CAMTA1: variants seen among roughly 807,000 people sequenced by gnomAD.
CAMTA1 encodes the protein calmodulin binding transcription activator 1, also known as calmodulin-binding transcription activator 1.
A neutral mutation model predicts 170.9 loss-of-function variants in CAMTA1; 27 were observed. The observed-to-expected ratio is 0.16, with a 90% CI of 0.12 to 0.22. CAMTA1 has a LOEUF of 0.22. CAMTA1 is among the 10% of genes least tolerant of loss of function. The pLI, the probability that CAMTA1 is intolerant of heterozygous loss-of-function variation, is 1.00. For synonymous variants in CAMTA1, 833 were observed against 891.5 expected, an observed-to-expected ratio of 0.93 and a Z score of 1.17; for missense variants, 1,619 against 2,217.2, an observed-to-expected ratio of 0.73 and a Z score of 5.42.
intron 5 of CAMTA1, among the ~76,000 whole-genome samples, chr1:7,317,364 G>A (rs1307511232): frequency 2.0e-5 from 3 of 152,340 alleles, no homozygotes; most frequent in African/African-American, 7.2e-5. Context: ...CCACCTGTGT[G>A]ACACTGAAGA....
At chr1:6,906,080 C>T (rs1678396901) in intron 3 of CAMTA1, among the ~76,000 whole-genome samples, 1 of 152,240 alleles carries the variant, frequency 6.6e-6, no homozygotes, top group African/African-American at 2.4e-5. Flanking sequence ...CCAAGTCACC[C>T]ACGGTCTTTT....
intron 4 of CAMTA1, among the ~76,000 whole-genome samples, chr1:7,243,182 A>G (rs560274941): frequency 2.0e-5 from 3 of 152,128 alleles, no homozygotes; most frequent in South Asian, 2.1e-4. Flanking sequence ...GCTAGCCCCT[A>G]TGCCTTGGTC....
At chr1:7,366,895 T>A (rs1224232601) in intron 5 of CAMTA1, among the ~76,000 whole-genome samples, 1 of 152,164 alleles carries the variant, frequency 6.6e-6, no homozygotes, top group East Asian at 1.9e-4. Context: ...GTTCCAGAAG[T>A]TAATTTTGGA....
intron 5 of CAMTA1, among the ~76,000 whole-genome samples, chr1:7,398,193 C>CTCTCTCTCTCTATATATA (rs1557651862): frequency 5.9e-5 from 1 of 16,900 alleles, no homozygotes; most frequent in African/African-American, 1.9e-4. Flanking sequence ...CTCTCTCTCT[C>CTCTCTCTCTCTATATATA]TATATATATA....
At chr1:7,660,106 C>T (rs1311739848) in intron 7 of CAMTA1, among the ~76,000 whole-genome samples, 2 of 152,208 alleles carry the variant, frequency 1.3e-5, no homozygotes, top group African/African-American at 4.8e-5. Flanking sequence ...CAGAGTTTTG[C>T]TCTCATTCCC....
intron 3 of CAMTA1, among the ~76,000 whole-genome samples, chr1:7,071,940 T>C (rs1037379415): frequency 1.3e-5 from 2 of 152,198 alleles, no homozygotes; most frequent in African/African-American, 4.8e-5. Context: ...GCTGGTAGGA[T>C]CAGGGTTTTG....
chr1:7,257,218 A>G (rs1430813851), intron 5 of CAMTA1, among the ~76,000 whole-genome samples: 5 of 152,182 alleles, frequency 3.3e-5, no homozygotes, highest in Admixed American at 1.3e-4. Flanking sequence ...TTTACTGACT[A>G]TCCAGTCCTG....
At chr1:7,394,277 A>G (rs961818951) in intron 5 of CAMTA1, among the ~76,000 whole-genome samples, 2 of 152,240 alleles carry the variant, frequency 1.3e-5, no homozygotes, top group Admixed American at 6.5e-5. Context: ...AATGTTTTCC[A>G]TAATGGCTGT....
intron 6 of CAMTA1, among the ~76,000 whole-genome samples, chr1:7,513,164 C>T (rs2094226504): frequency 6.6e-6 from 1 of 152,060 alleles, no homozygotes; most frequent in Admixed American, 6.6e-5. Flanking sequence ...TGCGGACCTC[C>T]AGGGTAGAGC....
chr1:7,232,993 T>C (rs902230119), intron 4 of CAMTA1, among the ~76,000 whole-genome samples: 1 of 151,278 alleles, frequency 6.6e-6, no homozygotes, highest in Non-Finnish European at 1.5e-5. Flanking sequence ...ATTTATCTCT[T>C]AGGTAGGTGG....
At chr1:7,329,812 T>G (rs1483762166) in intron 5 of CAMTA1, among the ~76,000 whole-genome samples, 1 of 152,222 alleles carries the variant, frequency 6.6e-6, no homozygotes, top group Non-Finnish European at 1.5e-5. Flanking sequence ...GATAATGAAA[T>G]GAAATCCCAT....
At chr1:7,392,761 C>G (rs571784349) in intron 5 of CAMTA1, among the ~76,000 whole-genome samples, 2 of 151,974 alleles carry the variant, frequency 1.3e-5, no homozygotes, top group Non-Finnish European at 2.9e-5. Context: ...GTAGTCCCAG[C>G]TACTTGGGAG....
At chr1:6,794,829 C>A (rs1314792960) in intron 1 of CAMTA1, among the ~76,000 whole-genome samples, 1 of 151,392 alleles carries the variant, frequency 6.6e-6, no homozygotes, top group African/African-American at 2.4e-5. Flanking sequence ...CTAAGTAAAT[C>A]AAATTTTTAT....
intron 3 of CAMTA1, among the ~76,000 whole-genome samples, chr1:6,914,437 T>G (rs1680363922): frequency 6.6e-6 from 1 of 152,246 alleles, no homozygotes; most frequent in Non-Finnish European, 1.5e-5. Flanking sequence ...CTCTGTGCAC[T>G]TGATATATTT....
In CAMTA1 at chr1:7,132,071, ACG is replaced by A. The variant is rs1258227183; in HGVS notation, c.302+40702_302+40703del. ...GTTACACACACACACACACACACAC[ACG>A]CACACACACTCCAATTTTGTTCATT... On this transcript the variant is annotated intron_variant, in intron 4 of 22. Transcript: ENST00000303635. Among the ~76,000 whole-genome samples, 57 of 142,624 alleles carry A rather than the reference ACG, an allele frequency of 4.0e-4. 1 individual carries two copies. In the South Asian group the frequency reaches 9.9e-3, roughly 25 times the overall value. 93.6% of individuals were successfully genotyped at this position (142,624 alleles called of 152,430 possible).
chr1:6,972,686 C>T (rs1462956751), intron 3 of CAMTA1, among the ~76,000 whole-genome samples: 1 of 152,208 alleles, frequency 6.6e-6, no homozygotes, highest in Non-Finnish European at 1.5e-5. Context: ...AGCCTGAATT[C>T]TGCCTGTGCT....
At chr1:6,875,163 T>C (rs908996176) in intron 3 of CAMTA1, among the ~76,000 whole-genome samples, 7 of 152,150 alleles carry the variant, frequency 4.6e-5, no homozygotes, top group Admixed American at 2.0e-4. Context: ...CCAAGTGCCA[T>C]TCATATCACA....
intron 4 of CAMTA1, among the ~76,000 whole-genome samples, chr1:7,186,930 G>A (rs1420421515): frequency 6.6e-6 from 1 of 152,066 alleles, no homozygotes; most frequent in African/African-American, 2.4e-5. Flanking sequence ...CTCCCTAGTG[G>A]GGTGTAATTG....
At chr1:7,639,708 T>C (rs1327365229) in intron 6 of CAMTA1, among the ~76,000 whole-genome samples, 3 of 151,510 alleles carry the variant, frequency 2.0e-5, no homozygotes, top group African/African-American at 7.3e-5. Flanking sequence ...GATGCAGAGG[T>C]TGCAGTGAAC....
Sources: gnomAD v4.1 joint callset for allele counts (sites outside exome capture counted in the v4.1 genomes callset) on GRCh38, gnomAD v4.1.1 for gene constraint, MANE v1.5 for transcripts, NCBI Gene and HGNC (gene_info 2026-07-23, HGNC 2026-07-21) for gene names.